Variants in SMAD5 observed in about 807,000 individuals in gnomAD.
The protein encoded by SMAD5 is SMAD family member 5.
Under a neutral mutation model 43.1 loss-of-function variants are expected in SMAD5, and 9 were observed. That is an observed-to-expected ratio of 0.21 (90% CI 0.13 to 0.36). The LOEUF (loss-of-function observed/expected upper bound fraction) is 0.36. Among genes scored for constraint, SMAD5 ranks in the 10% least tolerant of loss-of-function variants. The pLI is 1.00. For missense variants in SMAD5, 348 were observed against 574.0 expected (o/e 0.61, Z 4.02); for synonymous variants, 190 against 192.4 (o/e 0.99, Z 0.10).
At chr5:136,134,886 G>C (rs1441493454) in intron 1 of SMAD5, 1 of 152,060 alleles carries the variant, frequency 6.6e-6, no homozygotes, top group Admixed American at 6.5e-5. Flanking sequence ...ATTCCTTTCA[G>C]ATCATAGCTG....
chr5:136,172,563 C>T lies in SMAD5; in HGVS notation c.905C>T (p.Pro302Leu), dbSNP rs760621629. 1 of 1,612,818 alleles carries T rather than the reference C, an allele frequency of 6.2e-7. No homozygotes were observed. Residue 302 changes from proline (P) to leucine (L), a missense_variant, in exon 6 of 8, where the codon CCT (proline) becomes CTT (leucine). Pro to Leu is a moderately conservative substitution (Grantham distance 98). Around this residue, in one of 5 missense-constraint regions of SMAD5, gnomAD observed 97 missense variants for 211.8 expected, o/e 0.46. Coordinates refer to ENST00000545279, the MANE Select transcript of SMAD5 (RefSeq NM_005903.7). ...GTGTTAGTAGATGGATTCACAGATC[C>T]TTCAAATAACAAAAGTAGATTCTGC... is the stretch of plus-strand genomic sequence containing the variant. ...TSVLVDGFTD[P>L]SNNKSRFCLG...
intron 1 of SMAD5, among the ~76,000 whole-genome samples, chr5:136,143,139 T>G (rs376386877): frequency 6.6e-6 from 1 of 152,148 alleles, no homozygotes; most frequent in East Asian, 1.9e-4. Context: ...CCCTCCACTG[T>G]CACCTTCTTG....
At position 136,166,127 on chromosome 5, in the gene SMAD5, A is replaced by G. The variant is rs973878365; in HGVS notation, c.775+2736A>G. Among the ~76,000 whole-genome samples the G allele has an allele frequency of 1.3e-4, 20 of 151,196 alleles. 1 individual carries two copies. Among genetic ancestry groups the G allele is most frequent in the African/African-American group, 4.4e-4 (18 of 41,346 alleles). ...ATATTGACCATTTTAATGGGTATGA[A>G]GAGATATCTCACTGTGGGTTGTTCT... On this transcript the variant is annotated intron_variant, in intron 5 of 7. Coordinates refer to ENST00000545279, the MANE Select transcript of SMAD5 (RefSeq NM_005903.7).
At chr5:136,152,219 T>C (rs1049771617) in intron 2 of SMAD5, among the ~76,000 whole-genome samples, 1 of 152,156 alleles carries the variant, frequency 6.6e-6, no homozygotes, top group Non-Finnish European at 1.5e-5. Flanking sequence ...GGTACTTTAG[T>C]AGGCTCTCAG....
Position 136,163,394 on chromosome 5 carries a change from A to G in SMAD5, c.775+3A>G, listed in dbSNP as rs371475164. On this transcript the variant is annotated splice_donor_region_variant and intron_variant, in intron 5 of 7. Transcript: ENST00000545279. ...TATGCCCAGTATATCCAGCAGGGGT[A>G]AGAGAAGTACTCACTTCATTTATTT... The G allele has an allele frequency of 1.9e-6, 3 of 1,596,682 alleles. No individual in the cohort carries two copies. The highest frequency in any genetic ancestry group is 1.8e-5 in the Admixed American group (1 of 57,084).
rs1428498606 is a variant in SMAD5 at position 136,167,662 on chromosome 5, C to T, written c.775+4271C>T. Among the ~76,000 whole-genome samples the T allele has an allele frequency of 5.3e-5, 8 of 151,438 alleles. No homozygotes were observed. In the East Asian group the frequency reaches 1.4e-3, roughly 26 times the overall value. On this transcript the variant is annotated intron_variant, in intron 5 of 7. Coordinates refer to ENST00000545279, the MANE Select transcript of SMAD5 (RefSeq NM_005903.7). ...GCTTGCTGGTGGGTGCTTGTAATCCCACCTGCTCGGGAGGCTGAGGCTGGA... is the reference window on the plus strand; with the variant it reads ...GCTTGCTGGTGGGTGCTTGTAATCCTACCTGCTCGGGAGGCTGAGGCTGGA...
chr5:136,172,095 C>G (rs1178031048), intron 5 of SMAD5, among the ~76,000 whole-genome samples: 1 of 152,198 alleles, frequency 6.6e-6, no homozygotes, highest in African/African-American at 2.4e-5. Flanking sequence ...GTTACCAAAT[C>G]TTCTGGCACC....
chr5:136,172,715 A>G (rs762630234), intron 6 of SMAD5, 60 bp downstream of exon 6: 6 of 1,153,230 alleles, frequency 5.2e-6, no homozygotes, highest in Non-Finnish European at 6.6e-6. Context: ...CTTGCCATGA[A>G]CCATGCATTG....
At chr5:136,175,633 G>A (rs2149782192) in intron 7 of SMAD5, among the ~76,000 whole-genome samples, 1 of 152,278 alleles carries the variant, frequency 6.6e-6, no homozygotes, top group South Asian at 2.1e-4. Flanking sequence ...TAAGCAATCT[G>A]TACTGTATCT....
In SMAD5 at chr5:136,154,134, C is replaced by G; in HGVS notation, c.374C>G (p.Pro125Arg). The G allele has an allele frequency of 6.3e-7, 1 of 1,583,380 alleles. No individual in the cohort carries two copies. Among genetic ancestry groups the G allele is most frequent in the Non-Finnish European group, 8.6e-7 (1 of 1,164,656 alleles). ...AAGCAAAAAGAAGTTTGTATCAACC[C>G]ATACCACTATAAGAGAGTGGAGAGT... is the stretch of plus-strand genomic sequence containing the variant. ...GSKQKEVCIN[P>R]YHYKRVESPV... is the part of the protein sequence containing the mutation. Residue 125 changes from proline (P) to arginine (R), a missense_variant, in exon 3 of 8, where the codon CCA becomes CGA. Physicochemically the swap from Pro to Arg is moderately radical, Grantham distance 103. This residue lies in a region of SMAD5 where 27 missense variants were observed against 53.9 expected (regional missense o/e 0.50). Transcript: ENST00000545279.
chr5:136,172,394 G>A (rs766132077), intron 5 of SMAD5, 40 bp from the exon 6 acceptor site: 2 of 1,177,374 alleles, frequency 1.7e-6, no homozygotes, highest in Non-Finnish European at 2.5e-6. Flanking sequence ...CTGAGTTTCT[G>A]ATATGTATTA....
chr5:136,155,469 C>T (rs1753604426), intron 3 of SMAD5, among the ~76,000 whole-genome samples: 1 of 152,174 alleles, frequency 6.6e-6, no homozygotes, highest in African/African-American at 2.4e-5. Context: ...CTCTTCTTCC[C>T]CTTAACCCAT....
intron 1 of SMAD5, among the ~76,000 whole-genome samples, chr5:136,140,946 GATTAT>G (rs1414948190): frequency 6.6e-6 from 1 of 151,848 alleles, no homozygotes; most frequent in African/African-American, 2.4e-5. Flanking sequence ...GTTTTTTAAA[GATTAT>G]ATTCTAGTGC....
chr5:136,145,479 T>C (rs1370378941), intron 1 of SMAD5, among the ~76,000 whole-genome samples: 1 of 151,970 alleles, frequency 6.6e-6, no homozygotes, highest in Non-Finnish European at 1.5e-5. Context: ...AGAAGGATGA[T>C]ACTGTGAATA....
intron 5 of SMAD5, among the ~76,000 whole-genome samples, chr5:136,167,671 G>T (rs1277354247): frequency 6.6e-6 from 1 of 151,520 alleles, no homozygotes; most frequent in African/African-American, 2.4e-5. Context: ...CCACCTGCTC[G>T]GGAGGCTGAG....
chr5:136,159,634 A>G (rs7730723), intron 3 of SMAD5, among the ~76,000 whole-genome samples: 54,299 of 152,094 alleles, frequency 0.36, 10,578 homozygotes, highest in African/African-American at 0.53. Context: ...AAATGTAGAA[A>G]TTCTTGCTGC....
rs768589311 is a variant in SMAD5 at position 136,154,108 on chromosome 5, T to C, written c.348T>C (p.Ser116=). The change falls in exon 3 of 8, where the codon TCT becomes TCC. Residue 116 remains serine (S), a synonymous_variant. Coordinates refer to ENST00000545279, the MANE Select transcript of SMAD5 (RefSeq NM_005903.7). Reference sequence around the variant, plus strand: ...ATATTTGTGAATTTCCTTTTGGATCTAAGCAAAAAGAAGTTTGTATCAACC... The same window carrying C: ...ATATTTGTGAATTTCCTTTTGGATCCAAGCAAAAAGAAGTTTGTATCAACC... ...PLDICEFPFG[S]KQKEVCINPY... 4 of 1,589,712 alleles carry C rather than the reference T, an allele frequency of 2.5e-6. No homozygotes were observed. Among genetic ancestry groups the C allele is most frequent in the East Asian group, 4.5e-5 (2 of 44,232 alleles).
At chr5:136,152,912 G>A (rs904255127) in intron 2 of SMAD5, among the ~76,000 whole-genome samples, 5 of 152,082 alleles carry the variant, frequency 3.3e-5, no homozygotes, top group African/African-American at 9.7e-5. Flanking sequence ...AAAATAAGCC[G>A]ATAGGAATTA....
intron 3 of SMAD5, among the ~76,000 whole-genome samples, chr5:136,157,838 C>T (rs1239881373): frequency 2.0e-5 from 3 of 152,076 alleles, no homozygotes; most frequent in Non-Finnish European, 2.9e-5. Context: ...TTAGGGACCC[C>T]TGATCTAATA....
Sources: allele counts gnomAD v4.1 joint callset (sites outside exome capture counted in the v4.1 genomes callset), GRCh38; gene constraint gnomAD v4.1.1; regional missense constraint gnomAD v4.1.1; transcripts MANE v1.5; gene names NCBI Gene and HGNC (gene_info 2026-07-23, HGNC 2026-07-21).